TOP2B: variants seen among roughly 807,000 people sequenced by gnomAD.
TOP2B encodes the protein DNA topoisomerase II beta.
In TOP2B, 51 loss-of-function variants were observed where a neutral mutation model predicts 193.5. The ratio of observed to expected loss-of-function variants is 0.26; its 90% CI spans 0.21 to 0.33. TOP2B has a LOEUF of 0.33. Ranked by LOEUF, TOP2B falls within the 10% of genes least tolerant of loss-of-function variation. The pLI is 1.00. For missense variants in TOP2B, 1,378 were observed against 1,909.3 expected (o/e 0.72, Z 5.19); for synonymous variants, 634 against 635.7 (o/e 1.00, Z 0.04).
chr3:25,606,659 T>C (rs372076263), intron 31 of TOP2B, among the ~76,000 whole-genome samples: 62 of 152,088 alleles, frequency 4.1e-4, no homozygotes, highest in African/African-American at 1.3e-3. Flanking sequence ...ACATCTAAAA[T>C]AGTTCACAAA....
intron 7 of TOP2B, among the ~76,000 whole-genome samples, chr3:25,635,470 T>C (rs1281996560): frequency 6.6e-6 from 1 of 152,114 alleles, no homozygotes; most frequent in African/African-American, 2.4e-5. Context: ...AAGTATCTAA[T>C]GGAAAATGTA....
At chr3:25,618,336 A>G in intron 25 of TOP2B, 82 bp downstream of exon 25, 1 of 988,448 alleles carries the variant, frequency 1.0e-6, no homozygotes, top group Admixed American at 2.1e-5. Flanking sequence ...TACTAAATTT[A>G]AAATTTAGGG....
intron 4 of TOP2B, among the ~76,000 whole-genome samples, chr3:25,639,093 T>C (rs1458307393): frequency 6.6e-6 from 1 of 152,146 alleles, no homozygotes; most frequent in African/African-American, 2.4e-5. Flanking sequence ...TGTAAGTTAA[T>C]AAGGAAGGCT....
intron 1 of TOP2B, among the ~76,000 whole-genome samples, chr3:25,652,200 G>C (rs1703611498): frequency 6.6e-6 from 1 of 152,164 alleles, no homozygotes; most frequent in African/African-American, 2.4e-5. Flanking sequence ...GAAGTGAAGG[G>C]AGAGAGAGAC....
intron 20 of TOP2B, 50 bp downstream of exon 20, chr3:25,624,247 T>A (rs772486454): frequency 1.9e-6 from 3 of 1,594,116 alleles, no homozygotes; most frequent in Non-Finnish European, 2.6e-6. Context: ...TTTAGTTAGT[T>A]GGTTCCAAAT....
At chr3:25,638,087 G>T in intron 5 of TOP2B, 78 bp downstream of exon 5, 2 of 1,304,380 alleles carry the variant, frequency 1.5e-6, no homozygotes, top group Non-Finnish European at 1.1e-6. Context: ...CACCAAAACT[G>T]CACAATTTCC....
rs1307139540 is a variant in TOP2B at position 25,612,551 on chromosome 3, C to T, written c.3750G>A (p.Lys1250=). The T allele has an allele frequency of 1.2e-6, 2 of 1,611,712 alleles. No individual in the cohort carries two copies. Among genetic ancestry groups the T allele is most frequent in the Non-Finnish European group, 1.7e-6 (2 of 1,179,114 alleles). Residue 1250 remains lysine (K), a synonymous_variant, in exon 28 of 36, where the codon AAG becomes AAA. Transcript: ENST00000264331. The part of the protein sequence containing the change: ...RRIIPEITAM[K]ADASKKLLKK... ...TCAGCAACTTTTTGCTGGCATCTGC[C>T]TTCATAGCTGTAATTTCAGGAATTA...
intron 18 of TOP2B, 166 bp from the exon 19 acceptor site, chr3:25,624,969 G>GT (rs753225837): frequency 1.5e-5 from 10 of 645,176 alleles, no homozygotes; most frequent in Non-Finnish European, 2.6e-5. Context: ...TTGTTTGTTT[G>GT]TTTTTTCCTA....
chr3:25,618,791 T>C lies in TOP2B; in HGVS notation c.3122A>G (p.Lys1041Arg), dbSNP rs773012621. 3 of 1,611,690 alleles carry C rather than the reference T, an allele frequency of 1.9e-6. No homozygotes were observed. The African/African-American group carries it at 4.0e-5, about 22-fold the overall frequency. ...ACTTAATCGTAAATCAAAGAATTCTTTCAGAATGTCTTGCACAGTTTCATA... is the reference window on the plus strand; with the variant it reads ...ACTTAATCGTAAATCAAAGAATTCTCTCAGAATGTCTTGCACAGTTTCATA... ...KKYETVQDIL[K>R]EFFDLRLSYY... The change falls in exon 24 of 36, where the codon AAA becomes AGA. Residue 1041 changes from lysine to arginine, a missense_variant. Lys to Arg is a conservative substitution (Grantham distance 26). This residue lies in a region of TOP2B where 379 missense variants were observed against 615.1 expected (regional missense o/e 0.62). Coordinates refer to ENST00000264331, the MANE Select transcript of TOP2B (RefSeq NM_001330700.2).
At chr3:25,662,087 G>A (rs890089722) in intron 1 of TOP2B, among the ~76,000 whole-genome samples, 1 of 152,218 alleles carries the variant, frequency 6.6e-6, no homozygotes, top group African/African-American at 2.4e-5. Flanking sequence ...TATTATTTGA[G>A]TGTGCATTTC....
intron 5 of TOP2B, 133 bp downstream of exon 5, chr3:25,638,032 A>T: frequency 2.3e-6 from 2 of 884,024 alleles, no homozygotes; most frequent in Non-Finnish European, 3.4e-6. Context: ...GACAATATTT[A>T]TACATGATAG....
intron 21 of TOP2B, among the ~76,000 whole-genome samples, chr3:25,622,738 T>C (rs555667656): frequency 6.6e-6 from 1 of 151,914 alleles, no homozygotes; most frequent in South Asian, 2.1e-4. Context: ...CCTCCTGGGT[T>C]CAAGCGATTC....
At chr3:25,661,249 T>C (rs1703901009) in intron 1 of TOP2B, among the ~76,000 whole-genome samples, 1 of 152,194 alleles carries the variant, frequency 6.6e-6, no homozygotes, top group Admixed American at 6.5e-5. Flanking sequence ...TCCGCCTGCC[T>C]TGGCCTCCCA....
At chr3:25,653,805 T>TG (rs1703667747) in intron 1 of TOP2B, among the ~76,000 whole-genome samples, 1 of 152,050 alleles carries the variant, frequency 6.6e-6, no homozygotes, top group Non-Finnish European at 1.5e-5. Context: ...TTTCCAAATA[T>TG]GAAAACAAAT....
At chr3:25,626,903 A>T (rs907992900) in intron 16 of TOP2B, 39 bp from the exon 17 acceptor site, 6 of 1,234,628 alleles carry the variant, frequency 4.9e-6, no homozygotes, top group Non-Finnish European at 6.8e-6. Context: ...CATTAAAAAT[A>T]AAATAAATTT....
intron 1 of TOP2B, among the ~76,000 whole-genome samples, chr3:25,663,534 G>A (rs1703982064): frequency 6.6e-6 from 1 of 152,046 alleles, no homozygotes; most frequent in South Asian, 2.1e-4. Flanking sequence ...TTTAACTTCA[G>A]GACTAAGCAC....
intron 7 of TOP2B, among the ~76,000 whole-genome samples, chr3:25,634,714 T>C (rs1282119866): frequency 7.1e-6 from 1 of 140,008 alleles, no homozygotes; most frequent in Non-Finnish European, 1.5e-5. Context: ...TGCACTCCCA[T>C]GGTGCTAGCT....
Position 25,630,480 on chromosome 3 carries a change from T to G in TOP2B, c.1406-11A>C, listed in dbSNP as rs1702924926. The stretch of plus-strand genomic sequence containing the variant: ...GGGAATGTTTACCACCTGAGAGAAA[T>G]TTAAAATTATACATAGTAAAAATTT... On this transcript the variant is annotated splice_polypyrimidine_tract_variant and intron_variant, in intron 11 of 35. Transcript: ENST00000264331. 1 of 1,521,748 alleles carries G rather than the reference T, an allele frequency of 6.6e-7. No homozygotes were observed. Among genetic ancestry groups the G allele is most frequent in the Admixed American group, 2.3e-5 (1 of 44,182 alleles). The allele number at this position is 1,521,748 out of a possible 1,614,324, so 94.3% of individuals were successfully genotyped here. A position where few individuals can be genotyped will look rare whatever the true frequency, so the allele number is the denominator to read the frequency against.
chr3:25,609,483 A>T lies in TOP2B; in HGVS notation c.3931+85T>A, dbSNP rs1034643514. 2.0e-6 allele frequency: 3 copies of T among 1,504,008 alleles called. No individual in the cohort carries two copies. In the South Asian group the frequency reaches 3.9e-5, roughly 20 times the overall value. 93.2% of individuals were successfully genotyped at this position (1,504,008 alleles called of 1,614,324 possible). A position where few individuals can be genotyped will look rare whatever the true frequency, so the allele number is the denominator to read the frequency against. On this transcript the variant is annotated intron_variant, in intron 29 of 35. Coordinates refer to ENST00000264331, the MANE Select transcript of TOP2B (RefSeq NM_001330700.2). Reference sequence around the variant, plus strand: ...GAAGGCATTATTTCAACTACCAGAAAAAGAGCACAATCAAAAGAATCTAGT... The same window carrying T: ...GAAGGCATTATTTCAACTACCAGAATAAGAGCACAATCAAAAGAATCTAGT...
Sources: gnomAD v4.1 joint callset for allele counts (sites outside exome capture counted in the v4.1 genomes callset) on GRCh38, gnomAD v4.1.1 for gene constraint, gnomAD v4.1.1 regional missense constraint, MANE v1.5 for transcripts, NCBI Gene and HGNC (gene_info 2026-07-23, HGNC 2026-07-21) for gene names.